KCNQ3: variants seen among roughly 807,000 people sequenced by gnomAD.
KCNQ3 encodes potassium voltage-gated channel subfamily Q member 3.
In KCNQ3, 30 loss-of-function variants were observed where a neutral mutation model predicts 92.5. That is an observed-to-expected ratio of 0.32 (90% CI 0.24 to 0.44). KCNQ3 has a LOEUF of 0.44. KCNQ3 is among the 20% of genes least tolerant of loss of function. The pLI is 1.00. For synonymous variants in KCNQ3, 450 were observed against 468.8 expected (o/e 0.96, Z 0.52); for missense variants, 913 against 1,140.3 (o/e 0.80, Z 2.87).
chr8:132,433,416 A>C (rs1468952640), intron 1 of KCNQ3, among the ~76,000 whole-genome samples: 1 of 152,188 alleles, frequency 6.6e-6, no homozygotes, highest in African/African-American at 2.4e-5. Context: ...ATCCAACAAG[A>C]ATGTGTTCAT....
intron 1 of KCNQ3, among the ~76,000 whole-genome samples, chr8:132,277,558 A>G (rs1270084343): frequency 6.6e-6 from 1 of 152,210 alleles, no homozygotes; most frequent in African/African-American, 2.4e-5. Flanking sequence ...CCGGCTGGGG[A>G]GACAGATTTT....
intron 1 of KCNQ3, among the ~76,000 whole-genome samples, chr8:132,278,965 C>G (rs1414526949): frequency 6.6e-6 from 1 of 152,088 alleles, no homozygotes; most frequent in African/African-American, 2.4e-5. Context: ...TCTGTAATCC[C>G]AGCACTTTGG....
At chr8:132,406,732 G>A (rs973508640) in intron 1 of KCNQ3, among the ~76,000 whole-genome samples, 3 of 152,178 alleles carry the variant, frequency 2.0e-5, no homozygotes, top group African/African-American at 7.2e-5. Flanking sequence ...TAAGTCAGGG[G>A]ATGTGGTATG....
intron 1 of KCNQ3, among the ~76,000 whole-genome samples, chr8:132,450,210 C>T (rs1306760734): frequency 6.6e-6 from 1 of 152,194 alleles, no homozygotes; most frequent in African/African-American, 2.4e-5. Flanking sequence ...TGTCCCCACC[C>T]ATGTCCTGCT....
chr8:132,456,837 C>T (rs1354016726), intron 1 of KCNQ3, among the ~76,000 whole-genome samples: 1 of 152,142 alleles, frequency 6.6e-6, no homozygotes, highest in Non-Finnish European at 1.5e-5. Flanking sequence ...TGGTCTCAAA[C>T]TCCTGACCTC....
At chr8:132,415,553 C>A (rs1423254094) in intron 1 of KCNQ3, among the ~76,000 whole-genome samples, 1 of 152,346 alleles carries the variant, frequency 6.6e-6, no homozygotes, top group Non-Finnish European at 1.5e-5. Flanking sequence ...AGTGACAGTG[C>A]TCAGGGACCC....
chr8:132,282,441 T>C (rs1816551703), intron 1 of KCNQ3, among the ~76,000 whole-genome samples: 1 of 152,136 alleles, frequency 6.6e-6, no homozygotes, highest in Non-Finnish European at 1.5e-5. Flanking sequence ...TTGCTAAGTT[T>C]TGGGAGACTG....
intron 1 of KCNQ3, among the ~76,000 whole-genome samples, chr8:132,215,249 A>G (rs1813992082): frequency 6.6e-6 from 1 of 152,212 alleles, no homozygotes; most frequent in Non-Finnish European, 1.5e-5. Flanking sequence ...AACAATATTT[A>G]TCTCATACAA....
chr8:132,139,185 C>G (rs74475609), intron 11 of KCNQ3, among the ~76,000 whole-genome samples: 1,551 of 152,266 alleles, frequency 0.01, 20 homozygotes, highest in African/African-American at 0.034. Context: ...AATGAAAATG[C>G]TAAAAGAAGA....
At position 132,275,516 on chromosome 8, in the gene KCNQ3, C is replaced by T. The variant is rs1018182954; in HGVS notation, c.387-89335G>A. ...CTGGAAGGAGTATGAGGGTCATTTG[C>T]CCCACCCTAGAGGCCCAAAACGCAC... On this transcript the variant is annotated intron_variant, in intron 1 of 14. Coordinates refer to ENST00000388996, the MANE Select transcript of KCNQ3 (RefSeq NM_004519.4). Among the ~76,000 whole-genome samples the T allele has an allele frequency of 1.3e-5, 2 of 151,936 alleles. 1 individual carries two copies. Among genetic ancestry groups the T allele is most frequent in the Admixed American group, 1.3e-4 (2 of 15,254 alleles).
chr8:132,345,384 T>A (rs1818657355), intron 1 of KCNQ3, among the ~76,000 whole-genome samples: 1 of 152,204 alleles, frequency 6.6e-6, no homozygotes, highest in Admixed American at 6.5e-5. Context: ...AGGAACGTAC[T>A]CAAGCAACTG....
chr8:132,137,173 T>C (rs1308748241), intron 12 of KCNQ3, among the ~76,000 whole-genome samples: 1 of 152,106 alleles, frequency 6.6e-6, no homozygotes, highest in Non-Finnish European at 1.5e-5. Context: ...GCCCAACCAA[T>C]GACTGCATAA....
At chr8:132,394,085 G>A (rs995923447) in intron 1 of KCNQ3, among the ~76,000 whole-genome samples, 1 of 152,210 alleles carries the variant, frequency 6.6e-6, no homozygotes, top group Non-Finnish European at 1.5e-5. Flanking sequence ...CAGGCACCAG[G>A]CTGCCGGCAT....
intron 14 of KCNQ3, among the ~76,000 whole-genome samples, chr8:132,130,496 C>G (rs1175395337): frequency 6.6e-6 from 1 of 152,122 alleles, no homozygotes; most frequent in African/African-American, 2.4e-5. Flanking sequence ...CCTTGCACAC[C>G]AGGTATTAAT....
Position 132,126,903 on chromosome 8 carries a change from C to A in KCNQ3, c.*2359G>T, listed in dbSNP as rs1254511672. The A allele has an allele frequency of 6.6e-6, 1 of 152,134 alleles. No individual in the cohort carries two copies. The highest frequency in any genetic ancestry group is 1.5e-5 in the Non-Finnish European group (1 of 68,032). The allele number at this position is 152,134 out of a possible 1,614,324, so 9.4% of individuals were successfully genotyped here. ...TAAGATAGTAAGTTCTTCAAGAATA[C>A]TAATAAGTAAGTTAAAAAATTAATT... On this transcript the variant is annotated 3_prime_UTR_variant, in exon 15 of 15. Coordinates refer to ENST00000388996, the MANE Select transcript of KCNQ3 (RefSeq NM_004519.4).
chr8:132,197,923 A>G (rs1237491664), intron 1 of KCNQ3, among the ~76,000 whole-genome samples: 2 of 152,228 alleles, frequency 1.3e-5, no homozygotes, highest in Admixed American at 6.5e-5. Flanking sequence ...TAAATATTTC[A>G]GAGTCCAGCT....
At chr8:132,318,791 A>G (rs16904657) in intron 1 of KCNQ3, among the ~76,000 whole-genome samples, 8,635 of 152,316 alleles carry the variant, frequency 0.057, 348 homozygotes, top group East Asian at 0.11. Context: ...TATGGGAAAC[A>G]CTGCGTTAGG....
chr8:132,174,177 G>A (rs761043846), intron 6 of KCNQ3, 62 bp downstream of exon 6: 1 of 1,167,664 alleles, frequency 8.6e-7, no homozygotes, highest in Non-Finnish European at 1.3e-6. Context: ...AGTTGAGCTG[G>A]CACCAGGCGG....
rs141390680 is a variant in KCNQ3 at position 132,282,840 on chromosome 8, C to A, written c.387-96659G>T. Among the ~76,000 whole-genome samples, 58 of 152,326 alleles carry A rather than the reference C, an allele frequency of 3.8e-4. No homozygotes were observed. The East Asian group carries it at 0.011, about 28-fold the overall frequency. On this transcript the variant is annotated intron_variant, in intron 1 of 14. Transcript: ENST00000388996. ...GATGGGGAAACCTGCATGTTACATG[C>A]CAGAAGCCTGGCCCAATGACCACTA...
Sources: allele counts gnomAD v4.1 joint callset (sites outside exome capture counted in the v4.1 genomes callset), GRCh38; gene constraint gnomAD v4.1.1; transcripts MANE v1.5; gene names NCBI Gene and HGNC (gene_info 2026-07-23, HGNC 2026-07-21).